NEB: variants seen among roughly 807,000 people sequenced by gnomAD.
NEB encodes the protein nebulin.
A neutral mutation model predicts 952.2 loss-of-function variants in NEB; 512 were observed. The ratio of observed to expected loss-of-function variants is 0.54; its 90% CI spans 0.50 to 0.58. The LOEUF (loss-of-function observed/expected upper bound fraction) is 0.58, where lower values mean the gene tolerates loss of function less well. Among genes scored for constraint, NEB ranks in the 20% least tolerant of loss-of-function variants. The pLI is 0.00. For synonymous variants in NEB, 2,900 were observed against 3,149.8 expected, an observed-to-expected ratio of 0.92 and a Z score of 2.66; for missense variants, 8,428 against 9,231.1, an observed-to-expected ratio of 0.91 and a Z score of 3.56.
chr2:151,674,456 T>C, intron 36 of NEB, 21 bp downstream of exon 36: 1 of 1,590,122 alleles, frequency 6.3e-7, no homozygotes, highest in South Asian at 1.1e-5. Flanking sequence ...CACCTAAACT[T>C]CACCTAAAAT....
At position 151,696,707 on chromosome 2, in the gene NEB, G is replaced by T; in HGVS notation, c.1499C>A (p.Thr500Lys). ...AGAGTCTGTAACTTGGGTGAATTTT[G>T]TCTTATCTGGATGGACTTTGTAGGT... The part of the protein sequence containing the change: ...DHTYKVHPDK[T>K]KFTQVTDSPV... Residue 500 changes from threonine to lysine, a missense_variant, in exon 17 of 182, where the codon ACA (threonine) becomes AAA (lysine). By Grantham distance (78) the Thr-to-Lys change is moderately conservative. This residue lies in a region of NEB where 2,851 missense variants were observed against 2,791.5 expected (regional missense o/e 1.02). Coordinates refer to ENST00000397345, the MANE Select transcript of NEB (RefSeq NM_001164508.2). 1 of 1,613,810 alleles carries T rather than the reference G, an allele frequency of 6.2e-7. No individual in the cohort carries two copies. Among genetic ancestry groups the T allele is most frequent in the Non-Finnish European group, 8.5e-7 (1 of 1,179,784 alleles).
rs941477677 is a variant in NEB, at chr2:151,612,108, C to T, written c.11805+78G>A. ...TATGACACCTCCTTTCTCAGGGAAT[C>T]CTTAGGGAATTTCCTACTTTATGAG... On this transcript the variant is annotated intron_variant, in intron 78 of 181. Coordinates refer to ENST00000397345, the MANE Select transcript of NEB (RefSeq NM_001164508.2). 8 of 1,457,636 alleles carry T rather than the reference C, an allele frequency of 5.5e-6. No individual in the cohort carries two copies. The South Asian group carries it at 8.5e-5, about 15-fold the overall frequency. The allele number at this position is 1,457,636 out of a possible 1,614,324, so 90.3% of individuals were successfully genotyped here.
chr2:151,677,871 C>T lies in NEB; in HGVS notation c.3567+5G>A. On this transcript the variant is annotated splice_donor_5th_base_variant and intron_variant, in intron 33 of 181. Transcript: ENST00000397345. ...GGGGTTTCTTGAGAAGTAAATGACA[C>T]TTACATCACTCTGTATCTGCATCAT... 6.2e-7 allele frequency: 1 copy of T among 1,607,278 alleles called. No homozygotes were observed.
At position 151,540,708 on chromosome 2, in the gene NEB, T is replaced by C. The variant is rs1559707924; in HGVS notation, c.20776A>G (p.Met6926Val). The change falls in exon 137 of 182, where the codon ATG (methionine) becomes GTG (valine). Residue 6926 changes from methionine (M) to valine (V), a missense_variant. Physicochemically the swap from Met to Val is conservative, Grantham distance 21 (BLOSUM62 1). Transcript: ENST00000397345. ...ALKHAKDVKD[M>V]VSEKKYKIQY... ...AATTCCCATCTTACCTCACTGACCA[T>C]GTCCTTCACGTCTTTAGCATGCTTC... 1 of 1,613,454 alleles carries C rather than the reference T, an allele frequency of 6.2e-7. No individual in the cohort carries two copies.
At chr2:151,701,427 T>C (rs2099667703) in intron 13 of NEB, among the ~76,000 whole-genome samples, 2 of 149,032 alleles carry the variant, frequency 1.3e-5, no homozygotes, top group African/African-American at 2.5e-5. Flanking sequence ...TTGGAATAGT[T>C]TCAGAAGGAA....
chr2:151,541,379 T>A, intron 136 of NEB, 68 bp downstream of exon 136: 1 of 1,211,410 alleles, frequency 8.3e-7, no homozygotes, highest in Non-Finnish European at 1.2e-6. Context: ...ACTGGCCAGG[T>A]GAGGCCAGGC....
chr2:151,728,949 T>C (rs1269212396), intron 4 of NEB, among the ~76,000 whole-genome samples: 1 of 152,176 alleles, frequency 6.6e-6, no homozygotes, highest in East Asian at 1.9e-4. Context: ...TACTAGTTTT[T>C]ATGCAGTCAC....
At position 151,627,843 on chromosome 2, in the gene NEB, A is replaced by AAATGCACAAATC. The variant is rs2098553458; in HGVS notation, c.9832-10_9832-9insGATTTGTGCATT. 1 of 1,603,426 alleles carries AAATGCACAAATC rather than the reference A, an allele frequency of 6.2e-7. No individual in the cohort carries two copies. The highest frequency in any genetic ancestry group is 8.5e-7 in the Non-Finnish European group (1 of 1,172,710). Reference sequence around the variant, plus strand: ...CCATCTTTGTATTTGTACTGAAATAAAGGTGGTCATTTCAAAAATAAAAAT... The same window carrying AAATGCACAAATC: ...CCATCTTTGTATTTGTACTGAAATAAAATGCACAAATCAGGTGGTCATTTCAAAAATAAAAAT... On this transcript the variant is annotated splice_polypyrimidine_tract_variant and intron_variant, in intron 68 of 181. Coordinates refer to ENST00000397345, the MANE Select transcript of NEB (RefSeq NM_001164508.2).
chr2:151,721,227 G>T (rs1351564816), intron 9 of NEB, among the ~76,000 whole-genome samples: 1 of 151,822 alleles, frequency 6.6e-6, no homozygotes, highest in Non-Finnish European at 1.5e-5. Context: ...CTATCATATT[G>T]CTCATCAAAA....
intron 38 of NEB, 55 bp from the exon 39 acceptor site, chr2:151,669,186 C>A: frequency 8.0e-7 from 1 of 1,251,130 alleles, no homozygotes; most frequent in Non-Finnish European, 1.1e-6. Context: ...ATATAAATTT[C>A]ATCAAGCAGA....
rs2153703224 is a variant in NEB, at chr2:151,561,244, A to G, written c.19065T>C (p.Tyr6355=). The part of the protein sequence containing the change: ...NYNLVTDTPL[Y]VTAVQSGINA... The stretch of plus-strand genomic sequence containing the variant: ...TAATGCCACTCTGAACAGCAGTCAC[A>G]TAGAGGGGCGTGTCTGTGACCAGAT... The change falls in exon 122 of 182, where the codon TAT becomes TAC. Residue 6355 remains tyrosine (Y), a synonymous_variant. Coordinates refer to ENST00000397345, the MANE Select transcript of NEB (RefSeq NM_001164508.2). 1 of 1,609,284 alleles carries G rather than the reference A, an allele frequency of 6.2e-7. No individual in the cohort carries two copies. The highest frequency in any genetic ancestry group is 8.5e-7 in the Non-Finnish European group (1 of 1,177,482).
intron 105 of NEB, among the ~76,000 whole-genome samples, chr2:151,578,192 A>C (rs1288095918): frequency 6.6e-6 from 1 of 152,154 alleles, no homozygotes; most frequent in South Asian, 2.1e-4. Flanking sequence ...GTAATCCATC[A>C]TTTCCAAAAG....
chr2:151,682,257 T>C (rs1254969591), intron 29 of NEB, among the ~76,000 whole-genome samples: 1 of 152,168 alleles, frequency 6.6e-6, no homozygotes, highest in Non-Finnish European at 1.5e-5. Context: ...CATTTTAAAA[T>C]TCAATTGCAG....
rs761111850 is a variant in NEB, at chr2:151,503,319, T to C, written c.23835+30A>G. 3 of 1,491,444 alleles carry C rather than the reference T, an allele frequency of 2.0e-6. No individual in the cohort carries two copies. In the Admixed American group the frequency reaches 5.1e-5, roughly 25 times the overall value. The allele number at this position is 1,491,444 out of a possible 1,614,324, so 92.4% of individuals were successfully genotyped here. ...ATTGTGGTAAATTTTTTATGGGAAA[T>C]AGTTTCTTATATGATATATTTGTAA... On this transcript the variant is annotated intron_variant, in intron 166 of 181. Coordinates refer to ENST00000397345, the MANE Select transcript of NEB (RefSeq NM_001164508.2).
intron 42 of NEB, 147 bp downstream of exon 42, chr2:151,665,186 A>T (rs888165812): frequency 2.8e-6 from 2 of 727,042 alleles, no homozygotes; most frequent in Non-Finnish European, 4.5e-6. Context: ...CGCTCTAAAC[A>T]TAATGGAAGC....
chr2:151,553,039 CG>C (rs2095429574), intron 127 of NEB, among the ~76,000 whole-genome samples: 3 of 152,114 alleles, frequency 2.0e-5, no homozygotes, highest in Admixed American at 6.5e-5. Flanking sequence ...ATTTAATTTG[CG>C]TGGAAAATCC....
rs551573518 is a variant in NEB, at chr2:151,685,485, A to G, written c.2638-510T>C. Among the ~76,000 whole-genome samples the G allele has an allele frequency of 4.6e-5, 7 of 152,302 alleles. No homozygotes were observed. In the South Asian group the frequency reaches 1.5e-3, roughly 32 times the overall value. ...TTTTTTAACCTGTTATTGACAGGAG[A>G]TAACCCCACTGAGAATCTCAAAGGT... On this transcript the variant is annotated intron_variant, in intron 27 of 181. Transcript: ENST00000397345.
intron 165 of NEB, among the ~76,000 whole-genome samples, chr2:151,503,711 C>T (rs1473601903): frequency 6.6e-6 from 1 of 152,114 alleles, no homozygotes; most frequent in Admixed American, 6.5e-5. Context: ...AATAAATTTA[C>T]CAATGAGAAA....
intron 29 of NEB, 35 bp from the exon 30 acceptor site, chr2:151,680,863 G>GT: frequency 6.8e-7 from 1 of 1,466,522 alleles, no homozygotes; most frequent in Non-Finnish European, 9.6e-7. Flanking sequence ...AAACAATCTT[G>GT]TTTTCCACTG....
Sources: gnomAD v4.1 joint callset for allele counts (sites outside exome capture counted in the v4.1 genomes callset) on GRCh38, gnomAD v4.1.1 for gene constraint, gnomAD v4.1.1 regional missense constraint, MANE v1.5 for transcripts, NCBI Gene and HGNC (gene_info 2026-07-23, HGNC 2026-07-21) for gene names.